Variants in ERAP1 observed in about 807,000 individuals in gnomAD.
The protein encoded by ERAP1 is endoplasmic reticulum aminopeptidase 1, also known as adipocyte-derived leucine aminopeptidase.
Under a neutral mutation model 103.7 loss-of-function variants are expected in ERAP1, and 86 were observed. The ratio of observed to expected loss-of-function variants is 0.83; its 90% CI spans 0.70 to 0.99. The LOEUF (loss-of-function observed/expected upper bound fraction) is 0.99. ERAP1 is among the 50% of genes least tolerant of loss of function. The probability of loss-of-function intolerance (pLI) is 0.00; values close to 1 mark genes in which losing one functional copy is unlikely to be tolerated. For missense variants in ERAP1, 1,009 were observed against 1,128.4 expected, an observed-to-expected ratio of 0.89 and a Z score of 1.52; for synonymous variants, 398 against 402.4, an observed-to-expected ratio of 0.99 and a Z score of 0.13.
chr5:96,767,755 T>A (rs1770522163), intron 19 of ERAP1: 3 of 622,444 alleles, frequency 4.8e-6, no homozygotes, highest in African/African-American at 1.8e-5. Flanking sequence ...TGTTTTTCTA[T>A]CTCCTTTACA....
chr5:96,862,644 G>A, the ERAP1 span, among the ~76,000 whole-genome samples: 1 of 152,172 alleles, frequency 6.6e-6, no homozygotes, highest in Non-Finnish European at 1.5e-5. Flanking sequence ...TTGACTTTTA[G>A]TAGCGAATGA....
At chr5:96,890,562 T>C in the ERAP1 span, among the ~76,000 whole-genome samples, 1 of 152,228 alleles carries the variant, frequency 6.6e-6, no homozygotes, top group African/African-American at 2.4e-5. Flanking sequence ...AGATTAGTGC[T>C]TGGGGTTTCT....
At chr5:96,831,923 A>G in the ERAP1 span, among the ~76,000 whole-genome samples, 9 of 152,336 alleles carry the variant, frequency 5.9e-5, no homozygotes, top group Admixed American at 1.3e-4. Flanking sequence ...GATTTTTATT[A>G]TTACAGTAAA....
the ERAP1 span, chr5:96,883,862 T>C: frequency 6.2e-7 from 1 of 1,613,940 alleles, no homozygotes; most frequent in Non-Finnish European, 8.5e-7. Flanking sequence ...TGAACCGTTG[T>C]TCAAAGCCAA....
chr5:96,874,984 A>T, the ERAP1 span, among the ~76,000 whole-genome samples: 1 of 152,250 alleles, frequency 6.6e-6, no homozygotes, highest in East Asian at 1.9e-4. Context: ...GGCTGCCAGT[A>T]GGCCACTATG....
At chr5:96,887,380 A>G in the ERAP1 span, among the ~76,000 whole-genome samples, 4 of 149,938 alleles carry the variant, frequency 2.7e-5, no homozygotes, top group African/African-American at 9.9e-5. Flanking sequence ...GGCTCACTGC[A>G]ATCTCCGCCT....
the ERAP1 span, among the ~76,000 whole-genome samples, chr5:96,874,472 A>G: frequency 6.6e-6 from 1 of 152,136 alleles, no homozygotes; most frequent in African/African-American, 2.4e-5. Context: ...ACCTGCCCCC[A>G]CGCCCTGCAG....
the ERAP1 span, among the ~76,000 whole-genome samples, chr5:96,924,145 G>A: frequency 6.6e-6 from 1 of 152,244 alleles, no homozygotes; most frequent in Admixed American, 6.5e-5. Flanking sequence ...GTATATGTCT[G>A]TGTCATGTTT....
chr5:96,891,587 A>T, the ERAP1 span, among the ~76,000 whole-genome samples: 15 of 151,278 alleles, frequency 9.9e-5, 1 homozygote, highest in African/African-American at 3.6e-4. Context: ...ACACACACAC[A>T]CACACACGTA....
the ERAP1 span, among the ~76,000 whole-genome samples, chr5:96,922,940 C>T: frequency 4.6e-4 from 69 of 151,400 alleles, 1 homozygote; most frequent in East Asian, 1.6e-3. Flanking sequence ...TGTGCCTCTG[C>T]GAGGCCTCAC....
chr5:96,810,543 C>T (rs1035977925), upstream of ERAP1, among the ~76,000 whole-genome samples: 2 of 152,202 alleles, frequency 1.3e-5, no homozygotes, highest in African/African-American at 2.4e-5. Context: ...ATTCTACTCA[C>T]ATTGCATTGG....
the ERAP1 span, among the ~76,000 whole-genome samples, chr5:96,870,578 ACT>A: frequency 1.3e-5 from 2 of 151,826 alleles, no homozygotes; most frequent in African/African-American, 4.8e-5. Context: ...CCTTTCTGAC[ACT>A]CTCTTTCTGA....
At chr5:96,797,638 C>T (rs1162751512) in intron 3 of ERAP1, among the ~76,000 whole-genome samples, 1 of 152,158 alleles carries the variant, frequency 6.6e-6, no homozygotes, top group African/African-American at 2.4e-5. Flanking sequence ...TGCACTCCTG[C>T]CTGGATGACA....
chr5:96,846,741 A>G, the ERAP1 span, among the ~76,000 whole-genome samples: 1 of 151,296 alleles, frequency 6.6e-6, no homozygotes, highest in African/African-American at 2.4e-5. Context: ...TCCACCATCC[A>G]TTCAACCAAA....
At chr5:96,933,885 T>C in the ERAP1 span, among the ~76,000 whole-genome samples, 12 of 152,336 alleles carry the variant, frequency 7.9e-5, no homozygotes, top group African/African-American at 2.9e-4. Flanking sequence ...TGGTTCACTA[T>C]TTTTGGTTCT....
chr5:96,771,845 A>G (rs1772494170), downstream of ERAP1: 1 of 501,052 alleles, frequency 2.0e-6, no homozygotes, highest in Non-Finnish European at 3.6e-6. Context: ...TGCAAGATCT[A>G]CAGAGTAATT....
At chr5:96,786,062 G>A (rs1775948688) in intron 12 of ERAP1, 91 bp from the exon 13 acceptor site, 2 of 1,254,452 alleles carry the variant, frequency 1.6e-6, no homozygotes, top group Non-Finnish European at 2.3e-6. Flanking sequence ...AATTAGAGAA[G>A]AGTTTAATAC....
chr5:96,765,250 G>A, intron 19 of ERAP1: 3 of 1,602,200 alleles, frequency 1.9e-6, no homozygotes, highest in Non-Finnish European at 2.6e-6. Context: ...ATGATGCCTT[G>A]GATAAACTCT....
chr5:96,776,043 G>A lies in ERAP1; in HGVS notation c.*353C>T. On this transcript the variant is annotated 3_prime_UTR_variant, in exon 19 of 19. Coordinates refer to ENST00000443439, the MANE Select transcript of ERAP1 (RefSeq NM_001040458.3). ...AGTCGACTATTCAGAGTCTTTCGAG[G>A]AGACTGATGAAACAGTTTATGAATG... is the stretch of plus-strand genomic sequence containing the variant. 1 of 1,182,320 alleles carries A rather than the reference G, an allele frequency of 8.5e-7. No individual in the cohort carries two copies. The highest frequency in any genetic ancestry group is 1.1e-6 in the Non-Finnish European group (1 of 937,722). 73.2% of individuals were successfully genotyped at this position (1,182,320 alleles called of 1,614,324 possible).
Sources: allele counts gnomAD v4.1 joint callset (sites outside exome capture counted in the v4.1 genomes callset), GRCh38; gene constraint gnomAD v4.1.1; transcripts MANE v1.5; gene names NCBI Gene and HGNC (gene_info 2026-07-23, HGNC 2026-07-21).